The following ROBO1 variants were observed in gnomAD, a reference collection of about 807,000 sequenced individuals.
ROBO1 encodes roundabout homolog 1.
A neutral mutation model predicts 195.9 loss-of-function variants in ROBO1; 149 were observed. The observed-to-expected ratio is 0.76, with a 90% CI of 0.67 to 0.87. ROBO1 has a LOEUF of 0.87. Ranked by LOEUF, ROBO1 falls within the 40% of genes least tolerant of loss-of-function variation. The pLI, the probability that ROBO1 is intolerant of heterozygous loss-of-function variation, is 0.00. For synonymous variants in ROBO1, 816 were observed against 733.2 expected (o/e 1.11, Z -1.82); for missense variants, 1,933 against 2,068.3 (o/e 0.93, Z 1.27).
At chr3:78,807,820 G>A (rs746715497) in intron 4 of ROBO1, among the ~76,000 whole-genome samples, 8 of 152,208 alleles carry the variant, frequency 5.3e-5, no homozygotes, top group Non-Finnish European at 1.2e-4. Flanking sequence ...ATGAGGGAAT[G>A]AAGAGAGGGA....
intron 3 of ROBO1, among the ~76,000 whole-genome samples, chr3:79,077,269 C>T (rs368508662): frequency 6.6e-6 from 1 of 151,808 alleles, no homozygotes; most frequent in East Asian, 1.9e-4. Context: ...TTTTAGTGTT[C>T]TTCCTAAGAC....
chr3:79,127,875 T>C (rs879376825), intron 2 of ROBO1, among the ~76,000 whole-genome samples: 2 of 152,198 alleles, frequency 1.3e-5, no homozygotes, highest in Non-Finnish European at 2.9e-5. Context: ...ATCTTTGCAT[T>C]AATCAATGAA....
intron 2 of ROBO1, among the ~76,000 whole-genome samples, chr3:79,297,641 G>T (rs1050186391): frequency 6.6e-6 from 1 of 152,062 alleles, no homozygotes; most frequent in African/African-American, 2.4e-5. Flanking sequence ...TGGGAAGAAA[G>T]AAATGAAAAA....
chr3:78,752,415 G>T (rs1007800990), intron 4 of ROBO1, among the ~76,000 whole-genome samples: 8 of 151,940 alleles, frequency 5.3e-5, no homozygotes, highest in Non-Finnish European at 8.8e-5. Flanking sequence ...TCACCTTTTT[G>T]GGAAACAGTA....
chr3:79,325,920 C>T (rs1576978431), intron 2 of ROBO1, among the ~76,000 whole-genome samples: 1 of 152,028 alleles, frequency 6.6e-6, no homozygotes, highest in Non-Finnish European at 1.5e-5. Flanking sequence ...GGAGAAATAT[C>T]GCTGAATTCT....
intron 4 of ROBO1, among the ~76,000 whole-genome samples, chr3:78,897,355 C>T (rs1455229455): frequency 6.6e-6 from 1 of 152,150 alleles, no homozygotes; most frequent in Non-Finnish European, 1.5e-5. Context: ...AGTCTGGGAA[C>T]CATAAACACA....
intron 2 of ROBO1, among the ~76,000 whole-genome samples, chr3:79,475,011 C>T (rs1304844206): frequency 1.3e-5 from 2 of 152,048 alleles, no homozygotes; most frequent in African/African-American, 4.8e-5. Context: ...TAGAAGGATA[C>T]ATCTTATATT....
intron 1 of ROBO1, among the ~76,000 whole-genome samples, chr3:79,743,035 T>A (rs1409665144): frequency 6.6e-6 from 1 of 152,218 alleles, no homozygotes; most frequent in Non-Finnish European, 1.5e-5. Flanking sequence ...AAAAGTAACT[T>A]CCTCTTTCTG....
At chr3:78,828,659 T>C (rs1204405236) in intron 4 of ROBO1, among the ~76,000 whole-genome samples, 3 of 150,832 alleles carry the variant, frequency 2.0e-5, no homozygotes, top group Non-Finnish European at 4.4e-5. Context: ...TCATGGAATA[T>C]TGTAACCATT....
intron 4 of ROBO1, among the ~76,000 whole-genome samples, chr3:78,874,182 C>T (rs550321065): frequency 1.0e-3 from 152 of 151,884 alleles, no homozygotes; most frequent in African/African-American, 3.4e-3. Context: ...TCTAAGAAAA[C>T]GAATTTTAGC....
intron 16 of ROBO1, chr3:78,660,784 C>A: frequency 2.9e-6 from 1 of 347,088 alleles, no homozygotes; most frequent in Admixed American, 4.5e-5. Flanking sequence ...TTCTATATGC[C>A]ATTAAGTAAT....
At chr3:78,732,636 G>A (rs1369607868) in intron 5 of ROBO1, among the ~76,000 whole-genome samples, 2 of 152,074 alleles carry the variant, frequency 1.3e-5, no homozygotes, top group Non-Finnish European at 2.9e-5. Context: ...CATGATGCAT[G>A]GAACAATACA....
intron 4 of ROBO1, among the ~76,000 whole-genome samples, chr3:78,872,666 G>A (rs1415932260): frequency 6.6e-6 from 1 of 152,152 alleles, no homozygotes; most frequent in Non-Finnish European, 1.5e-5. Flanking sequence ...AAAGTGTCAG[G>A]GAGGAAGTGG....
At chr3:79,170,173 C>G (rs2081141981) in intron 2 of ROBO1, among the ~76,000 whole-genome samples, 1 of 152,016 alleles carries the variant, frequency 6.6e-6, no homozygotes, top group Non-Finnish European at 1.5e-5. Context: ...TTGTGCCAAT[C>G]AAGAGTAAAG....
At chr3:79,241,701 A>G (rs1018616610) in intron 2 of ROBO1, among the ~76,000 whole-genome samples, 17 of 150,110 alleles carry the variant, frequency 1.1e-4, no homozygotes, top group African/African-American at 3.9e-4. Flanking sequence ...ATAAATATGT[A>G]ATAACAATAT....
chr3:78,898,786 G>A (rs966227507), intron 4 of ROBO1, among the ~76,000 whole-genome samples: 1 of 151,986 alleles, frequency 6.6e-6, no homozygotes, highest in Non-Finnish European at 1.5e-5. Context: ...TTTAAATTTG[G>A]TATACATGGA....
chr3:79,115,223 G>T (rs2079970729), intron 3 of ROBO1, among the ~76,000 whole-genome samples: 1 of 152,118 alleles, frequency 6.6e-6, no homozygotes, highest in African/African-American at 2.4e-5. Flanking sequence ...CAAAGCTCAA[G>T]TAGTTACTAA....
intron 4 of ROBO1, among the ~76,000 whole-genome samples, chr3:78,925,266 C>T (rs937544399): frequency 6.6e-6 from 1 of 152,136 alleles, no homozygotes; most frequent in African/African-American, 2.4e-5. Flanking sequence ...AACATAATTT[C>T]ATTCTACTTA....
At chr3:79,197,201 C>T (rs139381629) in intron 2 of ROBO1, among the ~76,000 whole-genome samples, 3 of 151,956 alleles carry the variant, frequency 2.0e-5, no homozygotes, top group Admixed American at 6.6e-5. Flanking sequence ...CACCCCACCC[C>T]TGATAGACCC....
Sources: allele counts gnomAD v4.1 joint callset (sites outside exome capture counted in the v4.1 genomes callset), GRCh38; gene constraint gnomAD v4.1.1; transcripts MANE v1.5; gene names NCBI Gene and HGNC (gene_info 2026-07-23, HGNC 2026-07-21).